GRM7: variants seen among roughly 807,000 people sequenced by gnomAD.
The protein encoded by GRM7 is metabotropic glutamate receptor 7.
A neutral mutation model predicts 84.5 loss-of-function variants in GRM7; 35 were observed. That is an observed-to-expected ratio of 0.41 (90% CI 0.32 to 0.55). The LOEUF (loss-of-function observed/expected upper bound fraction) is 0.55. GRM7 is among the 20% of genes least tolerant of loss of function. The pLI, the probability that GRM7 is intolerant of heterozygous loss-of-function variation, is 0.19. For missense variants in GRM7, 1,003 were observed against 1,194.6 expected (o/e 0.84, Z 2.36); for synonymous variants, 487 against 455.1 (o/e 1.07, Z -0.89).
At chr3:7,182,497 G>A (rs1038073393) in intron 2 of GRM7, among the ~76,000 whole-genome samples, 1 of 152,058 alleles carries the variant, frequency 6.6e-6, no homozygotes, top group Admixed American at 6.5e-5. Context: ...AATAAAGGAG[G>A]AAAGTCAAAA....
chr3:7,244,395 A>G (rs542934571), intron 2 of GRM7, among the ~76,000 whole-genome samples: 1 of 152,096 alleles, frequency 6.6e-6, no homozygotes, highest in Non-Finnish European at 1.5e-5. Context: ...TCTAAATTAC[A>G]TGCTGATCAC....
At chr3:7,472,489 C>A (rs1012389878) in intron 7 of GRM7, among the ~76,000 whole-genome samples, 1 of 152,324 alleles carries the variant, frequency 6.6e-6, no homozygotes, top group Admixed American at 6.5e-5. Flanking sequence ...GAATCCCCCA[C>A]TGAGTAGCAG....
intron 2 of GRM7, among the ~76,000 whole-genome samples, chr3:7,236,551 G>T (rs188067031): frequency 6.6e-6 from 1 of 152,256 alleles, no homozygotes; most frequent in Non-Finnish European, 1.5e-5. Context: ...AGAATGTGGC[G>T]GAAGTAGACA....
chr3:7,431,537 T>G (rs1334611472), intron 5 of GRM7, among the ~76,000 whole-genome samples: 22 of 152,188 alleles, frequency 1.4e-4, no homozygotes. Context: ...ATTCACACAT[T>G]GGACTGAGAG....
intron 4 of GRM7, among the ~76,000 whole-genome samples, chr3:7,371,023 G>T (rs1331370998): frequency 2.0e-5 from 3 of 152,296 alleles, no homozygotes; most frequent in African/African-American, 7.2e-5. Flanking sequence ...AAGTGCAAAA[G>T]TTCCCAGTAA....
intron 4 of GRM7, among the ~76,000 whole-genome samples, chr3:7,347,810 C>G (rs1692958185): frequency 6.6e-6 from 1 of 152,162 alleles, no homozygotes; most frequent in African/African-American, 2.4e-5. Flanking sequence ...TGTTTCTTCT[C>G]CAGCACATAT....
chr3:7,083,446 T>C (rs1029755876), intron 1 of GRM7, among the ~76,000 whole-genome samples: 2 of 152,290 alleles, frequency 1.3e-5, no homozygotes, highest in South Asian at 4.1e-4. Context: ...AAAAACCTCA[T>C]GTGACTCGCT....
chr3:7,306,698 C>G (rs1444085265), intron 4 of GRM7, 46 bp downstream of exon 4: 3 of 1,496,590 alleles, frequency 2.0e-6, no homozygotes, highest in Non-Finnish European at 2.7e-6. Context: ...AGTTCTGGTG[C>G]CATGCTGAAT....
At chr3:7,075,660 G>A (rs1231990074) in intron 1 of GRM7, among the ~76,000 whole-genome samples, 1 of 151,918 alleles carries the variant, frequency 6.6e-6, no homozygotes, top group African/African-American at 2.4e-5. Flanking sequence ...TGAGTAGCTG[G>A]GATTACAGGT....
chr3:7,041,926 T>A (rs1163025780), intron 1 of GRM7, among the ~76,000 whole-genome samples: 1 of 152,144 alleles, frequency 6.6e-6, no homozygotes, highest in Non-Finnish European at 1.5e-5. Flanking sequence ...TAACCAATCT[T>A]GCTTACATAA....
At chr3:7,003,657 A>G (rs192775190) in intron 1 of GRM7, among the ~76,000 whole-genome samples, 197 of 152,312 alleles carry the variant, frequency 1.3e-3, no homozygotes, top group African/African-American at 3.9e-3. Flanking sequence ...TTACTTTGCA[A>G]TTTTAGCTAA....
At chr3:7,573,624 GTC>G (rs2125048498) in intron 7 of GRM7, among the ~76,000 whole-genome samples, 1 of 152,256 alleles carries the variant, frequency 6.6e-6, no homozygotes, top group African/African-American at 2.4e-5. Context: ...GAGTAGCTTT[GTC>G]TCTCTACTAG....
At chr3:7,088,295 G>A (rs1039127423) in intron 1 of GRM7, among the ~76,000 whole-genome samples, 2 of 152,118 alleles carry the variant, frequency 1.3e-5, no homozygotes, top group East Asian at 3.9e-4. Context: ...GGAAGTAAAC[G>A]TGAAACTGAT....
At chr3:6,906,856 T>C (rs554025309) in intron 1 of GRM7, among the ~76,000 whole-genome samples, 1 of 152,284 alleles carries the variant, frequency 6.6e-6, no homozygotes, top group East Asian at 1.9e-4. Context: ...ATGCAGTTTT[T>C]AACATCCTTA....
chr3:7,645,830 A>G (rs983197236), intron 8 of GRM7, among the ~76,000 whole-genome samples: 3 of 152,106 alleles, frequency 2.0e-5, no homozygotes, highest in Non-Finnish European at 4.4e-5. Flanking sequence ...TCTGACCCCA[A>G]TTTTCCTTTC....
chr3:6,922,680 G>A (rs1697166637), intron 1 of GRM7, among the ~76,000 whole-genome samples: 1 of 152,158 alleles, frequency 6.6e-6, no homozygotes, highest in South Asian at 2.1e-4. Context: ...AGGAAGCTAA[G>A]TTACTAGAAA....
intron 5 of GRM7, among the ~76,000 whole-genome samples, chr3:7,418,159 C>T (rs541294951): frequency 6.6e-6 from 1 of 152,232 alleles, no homozygotes; most frequent in African/African-American, 2.4e-5. Flanking sequence ...AGGGATCTTA[C>T]CGCATTCTTT....
chr3:6,960,590 A>G (rs965924609), intron 1 of GRM7, among the ~76,000 whole-genome samples: 3 of 152,198 alleles, frequency 2.0e-5, no homozygotes, highest in African/African-American at 7.2e-5. Context: ...CTTAACTAAC[A>G]TAATCTTCCA....
Position 7,103,749 on chromosome 3 carries a change from CCTTTCTTTCTTTCTTTCTTTCTTT to C in GRM7, c.520-42656_520-42633del, listed in dbSNP as rs55840104. Among the ~76,000 whole-genome samples, 234 of 96,724 alleles carry C rather than the reference CCTTTCTTTCTTTCTTTCTTTCTTT, an allele frequency of 2.4e-3. 1 individual carries two copies. The highest frequency in any genetic ancestry group is 2.9e-3 in the Non-Finnish European group (147 of 50,872). 63.5% of individuals were successfully genotyped at this position (96,724 alleles called of 152,430 possible). A position where few individuals can be genotyped will look rare whatever the true frequency, so the allele number is the denominator to read the frequency against. On this transcript the variant is annotated intron_variant, in intron 1 of 9. Coordinates refer to ENST00000357716, the MANE Select transcript of GRM7 (RefSeq NM_000844.4). The stretch of plus-strand genomic sequence containing the variant: ...CTCTCTTTTTCTCTTTCTCTCTCTC[CCTTTCTTTCTTTCTTTCTTTCTTT>C]CTTTCTTTCTTTCTTTCTTTCTTTC...
Sources: gnomAD v4.1 joint callset for allele counts (sites outside exome capture counted in the v4.1 genomes callset) on GRCh38, gnomAD v4.1.1 for gene constraint, MANE v1.5 for transcripts, NCBI Gene and HGNC (gene_info 2026-07-23, HGNC 2026-07-21) for gene names.